TMTC2: variants seen among roughly 807,000 people sequenced by gnomAD.
The protein encoded by TMTC2 is transmembrane O-mannosyltransferase targeting cadherins 2.
TMTC2 carries 43 observed loss-of-function variants against 82.4 expected under a neutral mutation model. That is an observed-to-expected ratio of 0.52 (90% CI 0.41 to 0.67). TMTC2 has a LOEUF of 0.67. Ranked by LOEUF, TMTC2 falls within the 30% of genes least tolerant of loss-of-function variation. TMTC2 has a pLI of 0.00. For synonymous variants in TMTC2, 408 were observed against 381.9 expected (o/e 1.07, Z -0.80); for missense variants, 919 against 1,012.4 (o/e 0.91, Z 1.25).
intron 8 of TMTC2, among the ~76,000 whole-genome samples, chr12:82,993,109 C>T (rs763793234): frequency 3.9e-5 from 6 of 152,040 alleles, no homozygotes; most frequent in Non-Finnish European, 8.8e-5. Context: ...CTCAGCCTCC[C>T]GAATACCTGA....
chr12:82,937,457 T>G (rs921674756), intron 4 of TMTC2, among the ~76,000 whole-genome samples: 2 of 152,068 alleles, frequency 1.3e-5, no homozygotes, highest in Non-Finnish European at 1.5e-5. Flanking sequence ...AATAATGAAT[T>G]ACATCTGTAA....
intron 1 of TMTC2, among the ~76,000 whole-genome samples, chr12:82,757,397 C>G (rs909711992): frequency 1.3e-5 from 2 of 152,134 alleles, no homozygotes; most frequent in Non-Finnish European, 2.9e-5. Context: ...TGAATGCTTA[C>G]AAAGAGTTTT....
chr12:82,859,731 A>T (rs1234681772), intron 2 of TMTC2, among the ~76,000 whole-genome samples: 1 of 152,066 alleles, frequency 6.6e-6, no homozygotes. Context: ...TGTTAAGAGA[A>T]AGGACTTAAT....
At chr12:82,719,388 A>C (rs1874084066) in intron 1 of TMTC2, among the ~76,000 whole-genome samples, 2 of 152,060 alleles carry the variant, frequency 1.3e-5, no homozygotes, top group Admixed American at 1.3e-4. Context: ...CACCGTGCCC[A>C]GCCTGGATGA....
At chr12:82,996,044 G>A in intron 8 of TMTC2, among the ~76,000 whole-genome samples, 1 of 152,288 alleles carries the variant, frequency 6.6e-6, no homozygotes, top group Non-Finnish European at 1.5e-5. Context: ...ATTTTGAAAA[G>A]AAACCTTCAT....
At chr12:83,003,782 C>T (rs1462648308) in intron 8 of TMTC2, among the ~76,000 whole-genome samples, 1 of 151,970 alleles carries the variant, frequency 6.6e-6, no homozygotes, top group Non-Finnish European at 1.5e-5. Flanking sequence ...CTGACAAGTC[C>T]AGTTGCCTTT....
At chr12:82,773,555 G>C (rs1368874929) in intron 1 of TMTC2, among the ~76,000 whole-genome samples, 1 of 151,860 alleles carries the variant, frequency 6.6e-6, no homozygotes, top group African/African-American at 2.4e-5. Flanking sequence ...CTGCCTCCCG[G>C]GTTCAAGTGA....
chr12:82,916,030 T>C (rs1174483776), intron 3 of TMTC2, among the ~76,000 whole-genome samples: 1 of 152,160 alleles, frequency 6.6e-6, no homozygotes, highest in Admixed American at 6.5e-5. Context: ...CCAGTATTTA[T>C]GGAGAAAAAA....
chr12:82,944,456 C>T (rs1876886852), intron 4 of TMTC2, among the ~76,000 whole-genome samples: 2 of 150,784 alleles, frequency 1.3e-5, no homozygotes, highest in African/African-American at 4.9e-5. Context: ...TGGTGGCGGG[C>T]ACCAGTAGTC....
At chr12:83,005,306 G>A (rs1471895199) in intron 8 of TMTC2, among the ~76,000 whole-genome samples, 27 of 139,766 alleles carry the variant, frequency 1.9e-4, no homozygotes, top group Non-Finnish European at 6.1e-5. Flanking sequence ...TCCAGCCTGG[G>A]AAACGCAAGG....
At position 82,716,510 on chromosome 12, in the gene TMTC2, C is replaced by T. The variant is rs561130048; in HGVS notation, c.83+28841C>T. On this transcript the variant is annotated intron_variant, in intron 1 of 11. Coordinates refer to ENST00000321196, the MANE Select transcript of TMTC2 (RefSeq NM_152588.3). ...TCCCGTGTAGCTGGGACTACAGGCG[C>T]GCGCCACCATGCCCGGCTAATTTTT... is the stretch of plus-strand genomic sequence containing the variant. Among the ~76,000 whole-genome samples, 780 of 152,108 alleles carry T rather than the reference C, an allele frequency of 5.1e-3. 4 individuals are homozygous for T. The highest frequency in any genetic ancestry group is 9.8e-3 in the South Asian group (47 of 4,810).
chr12:82,988,215 T>C (rs535664055), intron 8 of TMTC2, among the ~76,000 whole-genome samples: 1 of 152,114 alleles, frequency 6.6e-6, no homozygotes, highest in Non-Finnish European at 1.5e-5. Context: ...ATACAGCTGA[T>C]TTTTGCAACT....
intron 1 of TMTC2, among the ~76,000 whole-genome samples, chr12:82,732,343 A>G (rs562922283): frequency 3.8e-4 from 57 of 151,112 alleles, no homozygotes; most frequent in Admixed American, 1.3e-3. Context: ...TTTGGTTCTC[A>G]TCATGTTTTT....
intron 1 of TMTC2, among the ~76,000 whole-genome samples, chr12:82,719,057 TTTTATATATATATA>T (rs1244981671): frequency 1.7e-5 from 2 of 116,252 alleles, no homozygotes; most frequent in South Asian, 2.9e-4. Flanking sequence ...CTTTAGATGA[TTTTATATATATATA>T]TATATATATA....
chr12:82,921,569 G>A (rs1875397857), intron 3 of TMTC2, among the ~76,000 whole-genome samples: 1 of 152,066 alleles, frequency 6.6e-6, no homozygotes, highest in African/African-American at 2.4e-5. Flanking sequence ...CCTTGAGATG[G>A]AGCAGTAGCC....
chr12:82,978,007 T>C (rs1263533201), intron 7 of TMTC2, among the ~76,000 whole-genome samples: 1 of 151,810 alleles, frequency 6.6e-6, no homozygotes, highest in African/African-American at 2.4e-5. Context: ...GTAATTCAAA[T>C]TCTTGGAGAA....
At chr12:82,817,609 C>T (rs1434349549) in intron 1 of TMTC2, among the ~76,000 whole-genome samples, 1 of 152,090 alleles carries the variant, frequency 6.6e-6, no homozygotes, top group African/African-American at 2.4e-5. Context: ...GAATCATCTC[C>T]TTCACTGTTA....
intron 1 of TMTC2, among the ~76,000 whole-genome samples, chr12:82,744,103 A>G (rs1454490100): frequency 6.6e-6 from 1 of 152,090 alleles, no homozygotes; most frequent in Non-Finnish European, 1.5e-5. Context: ...CGAGACCCCA[A>G]GAAAAGTCTC....
chr12:82,820,810 C>T (rs565428655), intron 1 of TMTC2, among the ~76,000 whole-genome samples: 1 of 152,342 alleles, frequency 6.6e-6, no homozygotes, highest in Non-Finnish European at 1.5e-5. Flanking sequence ...AGAAGTCCCT[C>T]ATCCATTACT....
Sources: allele counts gnomAD v4.1 joint callset (sites outside exome capture counted in the v4.1 genomes callset), GRCh38; gene constraint gnomAD v4.1.1; transcripts MANE v1.5; gene names NCBI Gene and HGNC (gene_info 2026-07-23, HGNC 2026-07-21).